The following BTNL8 variants were observed in gnomAD, a reference collection of about 807,000 sequenced individuals.
BTNL8 encodes the protein butyrophilin like 8, also known as butyrophilin-like protein 8.
BTNL8 carries 22 observed loss-of-function variants against 36.1 expected under a neutral mutation model. The observed-to-expected ratio is 0.61, with a 90% CI of 0.44 to 0.87. The LOEUF is 0.87. Among genes scored for constraint, BTNL8 ranks in the 40% least tolerant of loss-of-function variants. The pLI, the probability that BTNL8 is intolerant of heterozygous loss-of-function variation, is 0.00. For synonymous variants in BTNL8, 203 were observed against 235.6 expected, an observed-to-expected ratio of 0.86 and a Z score of 1.27; for missense variants, 526 against 616.9, an observed-to-expected ratio of 0.85 and a Z score of 1.56.
chr5:180,929,933 A>G (rs1758289579), intron 3 of BTNL8, among the ~76,000 whole-genome samples: 1 of 125,578 alleles, frequency 8.0e-6, no homozygotes, highest in African/African-American at 3.6e-5. Flanking sequence ...CAAACAATAG[A>G]AAGAGAGAAA....
intron 3 of BTNL8, among the ~76,000 whole-genome samples, chr5:180,924,868 AG>A (rs1482812722): frequency 2.6e-5 from 4 of 152,248 alleles, no homozygotes; most frequent in African/African-American, 9.6e-5. Context: ...CCCTTAAAGA[AG>A]TTCAGGAAAC....
rs373702637 is a variant in BTNL8, at chr5:180,947,520, T to A, written c.682T>A (p.Phe228Ile). 4 of 1,613,278 alleles carry A rather than the reference T, an allele frequency of 2.5e-6. No homozygotes were observed. The African/African-American group carries it at 5.3e-5, about 22-fold the overall frequency. ...GTGGGATTGTTTTTCAGATACCTTT[T>A]TCGAGCCTATATCGTGGCACCTGGC... ...ESRVQIGDTF[F>I]EPISWHLATK... The change falls in exon 4 of 8, where the codon TTC becomes ATC. Residue 228 changes from phenylalanine to isoleucine, a missense_variant. Physicochemically the swap from Phe to Ile is conservative, Grantham distance 21 (BLOSUM62 0). Around this residue, in one of 2 missense-constraint regions of BTNL8, gnomAD observed 350 missense variants for 324.6 expected, o/e 1.08. Transcript: ENST00000340184.
In BTNL8 at chr5:180,950,623, A is replaced by T. The variant is rs1759514310; in HGVS notation, c.*79A>T. The T allele has an allele frequency of 8.1e-6, 11 of 1,366,086 alleles. 3 individuals carry two copies. The highest frequency in any genetic ancestry group is 1.1e-5 in the Non-Finnish European group (11 of 997,568). The allele number at this position is 1,366,086 out of a possible 1,614,324, so 84.6% of individuals were successfully genotyped here. A position where few individuals can be genotyped will look rare whatever the true frequency, so the allele number is the denominator to read the frequency against. On this transcript the variant is annotated 3_prime_UTR_variant, in exon 8 of 8. Transcript: ENST00000340184. ...TCCAAAGTCCCGCAGCAGCCGGCCA[A>T]GGTGGCTTCCAGATGAAGGGGGACT...
In BTNL8 at chr5:180,949,771, T is replaced by G; in HGVS notation, c.863-133T>G. On this transcript the variant is annotated intron_variant, in intron 7 of 7. Coordinates refer to ENST00000340184, the MANE Select transcript of BTNL8 (RefSeq NM_001040462.3). ...ATGAGAGGACCTGAAAGGCAGTGTC[T>G]GCGGGAGGCTCAGGTCCGGGGCCTC... The G allele has an allele frequency of 2.7e-6, 3 of 1,128,344 alleles. 1 individual carries two copies. In the East Asian group the frequency reaches 7.7e-5, roughly 29 times the overall value. The allele number at this position is 1,128,344 out of a possible 1,614,324, so 69.9% of individuals were successfully genotyped here.
intron 3 of BTNL8, among the ~76,000 whole-genome samples, chr5:180,912,893 T>A (rs1450605583): frequency 6.6e-6 from 1 of 152,046 alleles, no homozygotes; most frequent in Non-Finnish European, 1.5e-5. Flanking sequence ...GTGAGGAAAG[T>A]GATGAAAGGA....
intron 3 of BTNL8, chr5:180,945,647 G>A: frequency 3.8e-6 from 1 of 261,390 alleles, no homozygotes; most frequent in Admixed American, 3.5e-5. Context: ...TAAAAAAGGG[G>A]AAAGGACCTG....
chr5:180,941,914 T>TTTTTTTTTTTTTTTTTTTTTTTGAG (rs1281454934), intron 3 of BTNL8, among the ~76,000 whole-genome samples: 21 of 150,868 alleles, frequency 1.4e-4, no homozygotes, highest in Non-Finnish European at 2.1e-4. Context: ...TTACTACTCT[T>TTTTTTTTTTTTTTTTTTTTTTTGAG]ATTCAACAAA....
In BTNL8 at chr5:180,950,544, G is replaced by T; in HGVS notation, c.1503G>T (p.Ter501TyrextTer48). Reference protein sequence around the residue: ...TTPFLPRGEM* With the variant: ...TTPFLPRGEMY ...CCTTCCTCCCCAGGGGTGAAATGTA[G>T]GATGAATCACATCCCACATTCTTCT... Residue 501 changes from the stop codon to tyrosine, a stop_lost, in exon 8 of 8, where the codon TAG becomes TAT. Coordinates refer to ENST00000340184, the MANE Select transcript of BTNL8 (RefSeq NM_001040462.3). 2 of 1,461,266 alleles carry T rather than the reference G, an allele frequency of 1.4e-6. 1 individual carries two copies. The highest frequency in any genetic ancestry group is 1.9e-6 in the Non-Finnish European group (2 of 1,058,818). 90.5% of individuals were successfully genotyped at this position (1,461,266 alleles called of 1,614,324 possible). A position where few individuals can be genotyped will look rare whatever the true frequency, so the allele number is the denominator to read the frequency against.
At chr5:180,941,361 A>T (rs887174640) in intron 3 of BTNL8, among the ~76,000 whole-genome samples, 1 of 152,228 alleles carries the variant, frequency 6.6e-6, no homozygotes, top group African/African-American at 2.4e-5. Context: ...GCTGGATTCT[A>T]TTAAACTTTT....
chr5:180,949,773 C>A, intron 7 of BTNL8, 131 bp from the exon 8 acceptor site: 7 of 1,138,246 alleles, frequency 6.1e-6, no homozygotes, highest in Non-Finnish European at 8.7e-6. Context: ...GCAGTGTCTG[C>A]GGGAGGCTCA....
intron 3 of BTNL8, among the ~76,000 whole-genome samples, chr5:180,940,232 G>A (rs899220430): frequency 6.6e-6 from 1 of 151,772 alleles, no homozygotes; most frequent in Non-Finnish European, 1.5e-5. Flanking sequence ...CCAGCTACTC[G>A]GGAGGCTGAG....
intron 3 of BTNL8, among the ~76,000 whole-genome samples, chr5:180,912,121 G>T (rs1757426492): frequency 6.6e-6 from 1 of 152,272 alleles, no homozygotes; most frequent in Non-Finnish European, 1.5e-5. Flanking sequence ...GGCTCTTCCT[G>T]GCCTCAGAGC....
At chr5:180,942,732 A>G (rs912097602) in intron 3 of BTNL8, among the ~76,000 whole-genome samples, 1 of 151,916 alleles carries the variant, frequency 6.6e-6, no homozygotes, top group Non-Finnish European at 1.5e-5. Context: ...TGCTAGTATC[A>G]ATATGCAGAA....
At chr5:180,923,862 C>G (rs1229616110) in intron 3 of BTNL8, among the ~76,000 whole-genome samples, 1 of 151,996 alleles carries the variant, frequency 6.6e-6, no homozygotes, top group African/African-American at 2.4e-5. Flanking sequence ...GACAGAAAAA[C>G]AAACAAATAT....
rs1758588090 is a variant in BTNL8, at chr5:180,935,193, A to T, written c.674-12319A>T. 6.6e-6 allele frequency among the ~76,000 whole-genome samples: 1 copy of T among 152,192 alleles called. No individual in the cohort carries two copies. Among genetic ancestry groups the T allele is most frequent in the Non-Finnish European group, 1.5e-5 (1 of 68,030 alleles). On this transcript the variant is annotated intron_variant, in intron 3 of 7. Coordinates refer to ENST00000340184, the MANE Select transcript of BTNL8 (RefSeq NM_001040462.3). The surrounding 1 kb of genome is among the most constrained non-coding windows in gnomAD (Gnocchi z 4.8). ...AGCACCATAAATTCTGACTCCAGGC[A>T]GTGGACTCCACCCGGAACTGGCAGC... is the stretch of plus-strand genomic sequence containing the variant.
chr5:180,942,395 C>T (rs945016821), intron 3 of BTNL8, among the ~76,000 whole-genome samples: 5 of 152,096 alleles, frequency 3.3e-5, no homozygotes, highest in African/African-American at 9.7e-5. Context: ...CAATGCAATC[C>T]TTATCAAAAT....
chr5:180,942,314 A>ACCCCATGTT (rs1051907266), intron 3 of BTNL8, among the ~76,000 whole-genome samples: 4 of 152,186 alleles, frequency 2.6e-5, no homozygotes, highest in African/African-American at 9.7e-5. Flanking sequence ...ATGAAAAGAT[A>ACCCCATGTT]CCCCATGTTC....
chr5:180,918,810 A>T lies in BTNL8; in HGVS notation c.673+7196A>T, dbSNP rs531774156. Among the ~76,000 whole-genome samples, 12 of 152,352 alleles carry T rather than the reference A, an allele frequency of 7.9e-5. No homozygotes were observed. In the East Asian group the frequency reaches 2.1e-3, roughly 27 times the overall value. On this transcript the variant is annotated intron_variant, in intron 3 of 7. Coordinates refer to ENST00000340184, the MANE Select transcript of BTNL8 (RefSeq NM_001040462.3). ...TAGATTAGAAGATTTTCTGGTTGGC[A>T]AATGGTTGTGAGTTATCTAAAAGAC...
Position 180,911,605 on chromosome 5 carries a change from C to T in BTNL8, c.664C>T (p.Gln222Ter), listed in dbSNP as rs1295179573. Reference protein sequence around the residue: ...HLSREVESRVQIGDTFFEPIS... With the variant: ...HLSREVESRV ...GAGCCGAGAGGTGGAATCCAGGGTA[C>T]AGATAGGAGGTGAGTAGGGAGGGGA... is the stretch of plus-strand genomic sequence containing the variant. Residue 222 changes from glutamine (Q) to a stop codon, truncating the protein, a stop_gained, in exon 3 of 8, where the codon CAG (glutamine) becomes TAG (stop). Transcript: ENST00000340184. LOFTEE classifies it high-confidence loss of function. 3 of 1,610,958 alleles carry T rather than the reference C, an allele frequency of 1.9e-6. No homozygotes were observed. Among genetic ancestry groups the T allele is most frequent in the East Asian group, 2.2e-5 (1 of 44,802 alleles).
Sources: gnomAD v4.1 joint callset for allele counts (sites outside exome capture counted in the v4.1 genomes callset) on GRCh38, gnomAD v4.1.1 for gene constraint, gnomAD v4.1.1 regional missense constraint, Gnocchi (gnomAD v3.1) non-coding constraint, MANE v1.5 for transcripts, NCBI Gene and HGNC (gene_info 2026-07-23, HGNC 2026-07-21) for gene names.